The following TRIM9 variants were observed in gnomAD, a reference collection of about 807,000 sequenced individuals.
TRIM9 encodes the protein tripartite motif containing 9, also known as E3 ubiquitin-protein ligase TRIM9.
In TRIM9, 26 loss-of-function variants were observed where a neutral mutation model predicts 78.3. That is an observed-to-expected ratio of 0.33 (90% CI 0.24 to 0.46). TRIM9 has a LOEUF of 0.46. Among genes scored for constraint, TRIM9 ranks in the 20% least tolerant of loss-of-function variants. The pLI is 1.00. For synonymous variants in TRIM9, 398 were observed against 416.5 expected (o/e 0.96, Z 0.54); for missense variants, 787 against 1,036.4 (o/e 0.76, Z 3.30).
At chr14:51,041,717 C>T (rs2059591954) in intron 1 of TRIM9, among the ~76,000 whole-genome samples, 1 of 152,138 alleles carries the variant, frequency 6.6e-6, no homozygotes, top group Non-Finnish European at 1.5e-5. Flanking sequence ...ACTATTATTT[C>T]TTCTTCTGAG....
At chr14:50,982,722 T>C (rs2052129204) in intron 10 of TRIM9, 2 of 513,228 alleles carry the variant, frequency 3.9e-6, no homozygotes, top group Non-Finnish European at 7.0e-6. Flanking sequence ...GTGCTACTCC[T>C]GAAACTAACA....
At chr14:51,058,876 G>A (rs1036232201) in intron 1 of TRIM9, among the ~76,000 whole-genome samples, 2 of 152,168 alleles carry the variant, frequency 1.3e-5, no homozygotes, top group Non-Finnish European at 1.5e-5. Flanking sequence ...TAAACATAGT[G>A]AGTTATATTC....
chr14:51,026,243 C>T (rs7147946), intron 1 of TRIM9, among the ~76,000 whole-genome samples: 121,295 of 152,048 alleles, frequency 0.8, 48,642 homozygotes, highest in South Asian at 0.85. Context: ...TGATGTCTTC[C>T]GGCTCACATG....
intron 1 of TRIM9, among the ~76,000 whole-genome samples, chr14:51,071,247 A>G (rs1478975008): frequency 6.6e-6 from 1 of 151,748 alleles, no homozygotes; most frequent in African/African-American, 2.4e-5. Context: ...ATGGTGGCAC[A>G]TGCCTGTAAT....
rs997346126 is a variant in TRIM9 at position 51,010,277 on chromosome 14, T to C, written c.1152+107A>G. 3 of 783,986 alleles carry C rather than the reference T, an allele frequency of 3.8e-6. No homozygotes were observed. The Admixed American group carries it at 6.8e-5, about 18-fold the overall frequency. The allele number at this position is 783,986 out of a possible 1,614,324, so 48.6% of individuals were successfully genotyped here. Reference sequence around the variant, plus strand: ...CTGCAGTGTGAGGTAGGTTCTGTTATTGAGGGACACAGGCCCACCCAGGGC... The same window carrying C: ...CTGCAGTGTGAGGTAGGTTCTGTTACTGAGGGACACAGGCCCACCCAGGGC... On this transcript the variant is annotated intron_variant, in intron 4 of 12. Transcript: ENST00000684578.
chr14:51,028,343 A>T (rs1162379352), intron 1 of TRIM9, among the ~76,000 whole-genome samples: 1 of 152,244 alleles, frequency 6.6e-6, no homozygotes, highest in Non-Finnish European at 1.5e-5. Context: ...AAAATCCTGG[A>T]AAACTATCAC....
Position 50,975,930 on chromosome 14 carries a change from C to T in TRIM9, c.*1361G>A, listed in dbSNP as rs553654841. 6.5e-6 allele frequency: 1 copy of T among 152,682 alleles called. No individual in the cohort carries two copies. Among genetic ancestry groups the T allele is most frequent in the South Asian group, 2.1e-4 (1 of 4,830 alleles). 9.5% of individuals were successfully genotyped at this position (152,682 alleles called of 1,614,324 possible). On this transcript the variant is annotated 3_prime_UTR_variant, in exon 13 of 13. Transcript: ENST00000684578. Reference sequence around the variant, plus strand: ...ACATACAGTCCCATGTTTTTCCAAACATTGTTTGGACTACTCCAGAAAATT... The same window carrying T: ...ACATACAGTCCCATGTTTTTCCAAATATTGTTTGGACTACTCCAGAAAATT...
At chr14:51,003,769 C>A (rs1490410210) in intron 5 of TRIM9, among the ~76,000 whole-genome samples, 1 of 151,960 alleles carries the variant, frequency 6.6e-6, no homozygotes, top group African/African-American at 2.4e-5. Flanking sequence ...AAGAACTAAC[C>A]CAGAGATATT....
Position 50,981,862 on chromosome 14 carries a change from A to G in TRIM9, c.2100T>C (p.Ala700=). The stretch of plus-strand genomic sequence containing the variant: ...GGTTATTGTCCACATACATTGCCCA[A>G]GCTTTGTCGTCTTTTCCTAACATCA... The part of the protein sequence containing the change: ...KDVMLGKDDK[A]WAMYVDNNRS... Residue 700 remains alanine (A), a synonymous_variant, in exon 11 of 13, where the codon GCT becomes GCC. Coordinates refer to ENST00000684578, the MANE Select transcript of TRIM9 (RefSeq NM_001387360.1). 1.2e-6 allele frequency: 2 copies of G among 1,614,182 alleles called. No individual in the cohort carries two copies. Among genetic ancestry groups the G allele is most frequent in the Non-Finnish European group, 8.5e-7 (1 of 1,180,040 alleles).
chr14:51,036,039 A>G (rs188464588), intron 1 of TRIM9, among the ~76,000 whole-genome samples: 1 of 152,346 alleles, frequency 6.6e-6, no homozygotes, highest in Non-Finnish European at 1.5e-5. Context: ...ACTCTAGGTA[A>G]AAGCCACAGA....
chr14:51,052,675 C>G (rs2060528345), intron 1 of TRIM9, among the ~76,000 whole-genome samples: 1 of 152,186 alleles, frequency 6.6e-6, no homozygotes, highest in Non-Finnish European at 1.5e-5. Flanking sequence ...TTCAGTTTAG[C>G]TGCTGGCACC....
chr14:50,983,020 C>T, intron 9 of TRIM9, 55 bp from the exon 10 acceptor site: 3 of 1,508,614 alleles, frequency 2.0e-6, no homozygotes, highest in Admixed American at 2.0e-5. Context: ...GCAAAATTGA[C>T]ATGGATAAGA....
intron 8 of TRIM9, among the ~76,000 whole-genome samples, chr14:50,984,871 A>T (rs1327473298): frequency 1.3e-5 from 2 of 152,246 alleles, no homozygotes; most frequent in Non-Finnish European, 2.9e-5. Context: ...AGAGTTTCAT[A>T]ACAAAGCATG....
In TRIM9 at chr14:51,006,467, T is replaced by C. The variant is rs1364844528; in HGVS notation, c.1306+2613A>G. On this transcript the variant is annotated intron_variant, in intron 5 of 12. Transcript: ENST00000684578. ...GAAGTCTGAACTCCAGCCAATCAAGTTCTATTGTGTCATGACCTTTGGCTT... is the reference window on the plus strand; with the variant it reads ...GAAGTCTGAACTCCAGCCAATCAAGCTCTATTGTGTCATGACCTTTGGCTT... Among the ~76,000 whole-genome samples, 4 of 152,070 alleles carry C rather than the reference T, an allele frequency of 2.6e-5. No individual in the cohort carries two copies. The East Asian group carries it at 7.7e-4, about 29-fold the overall frequency.
intron 1 of TRIM9, among the ~76,000 whole-genome samples, chr14:51,027,134 T>A (rs545150140): frequency 0.059 from 52 of 882 alleles, no homozygotes; most frequent in African/African-American, 0.25. Flanking sequence ...GCTGTTAACT[T>A]TTTTTTTTTT....
chr14:50,996,668 G>A (rs1026750610), intron 7 of TRIM9: 1 of 985,396 alleles, frequency 1.0e-6, no homozygotes, highest in Non-Finnish European at 1.2e-6. Context: ...CTCTTGGAGG[G>A]CTTTAGCAGT....
intron 1 of TRIM9, among the ~76,000 whole-genome samples, chr14:51,070,014 T>C (rs1243775998): frequency 2.0e-5 from 3 of 152,216 alleles, no homozygotes; most frequent in Admixed American, 6.5e-5. Flanking sequence ...ATAGCTGAGG[T>C]TGATCAGGGT....
intron 1 of TRIM9, among the ~76,000 whole-genome samples, chr14:51,091,605 G>A (rs1439926295): frequency 6.6e-6 from 1 of 152,132 alleles, no homozygotes; most frequent in Non-Finnish European, 1.5e-5. Context: ...AATAAGGTGG[G>A]GGAGTAATGT....
At chr14:51,065,778 T>C (rs1026149671) in intron 1 of TRIM9, among the ~76,000 whole-genome samples, 3 of 152,088 alleles carry the variant, frequency 2.0e-5, no homozygotes, top group African/African-American at 7.2e-5. Context: ...TAAATAGCAA[T>C]CATTTCACAT....
Sources: gnomAD v4.1 joint callset for allele counts (sites outside exome capture counted in the v4.1 genomes callset) on GRCh38, gnomAD v4.1.1 for gene constraint, MANE v1.5 for transcripts, NCBI Gene and HGNC (gene_info 2026-07-23, HGNC 2026-07-21) for gene names.